Variants in SGCD observed in about 807,000 individuals in gnomAD.
SGCD encodes the protein sarcoglycan delta, also known as delta-sarcoglycan.
SGCD carries 18 observed loss-of-function variants against 36.6 expected under a neutral mutation model. The ratio of observed to expected loss-of-function variants is 0.49; its 90% confidence interval spans 0.34 to 0.73. The LOEUF (loss-of-function observed/expected upper bound fraction) is 0.73. Among genes scored for constraint, SGCD ranks in the 30% least tolerant of loss-of-function variants. The probability of loss-of-function intolerance (pLI) is 0.01; values close to 1 mark genes in which losing one functional copy is unlikely to be tolerated. For missense variants in SGCD, 387 were observed against 346.7 expected (o/e 1.12, Z -0.92); for synonymous variants, 133 against 130.6 (o/e 1.02, Z -0.12).
At chr5:156,353,793 AAAAC>A (rs1280464900) in intron 3 of SGCD, among the ~76,000 whole-genome samples, 1 of 152,228 alleles carries the variant, frequency 6.6e-6, no homozygotes, top group Non-Finnish European at 1.5e-5. Flanking sequence ...GTAATGCAGA[AAAAC>A]AAAAAACAAA....
intron 3 of SGCD, among the ~76,000 whole-genome samples, chr5:156,140,104 A>C (rs1030302302): frequency 3.9e-5 from 6 of 152,194 alleles, no homozygotes; most frequent in African/African-American, 1.4e-4. Context: ...TCAGACATAA[A>C]TTTCTGTTTA....
intron 7 of SGCD, chr5:156,738,549 G>A (rs549222918): frequency 6.6e-6 from 1 of 152,314 alleles, no homozygotes; most frequent in African/African-American, 2.4e-5. Context: ...TTTTAGCATG[G>A]AAGAAGAATG....
intron 3 of SGCD, among the ~76,000 whole-genome samples, chr5:156,267,575 C>T (rs951331499): frequency 1.3e-5 from 2 of 152,156 alleles, no homozygotes; most frequent in African/African-American, 2.4e-5. Flanking sequence ...GGCAGAGCAC[C>T]CTGCACTGTG....
chr5:155,887,362 A>G (rs1756028823), intron 1 of SGCD, among the ~76,000 whole-genome samples: 1 of 152,164 alleles, frequency 6.6e-6, no homozygotes, highest in African/African-American at 2.4e-5. Flanking sequence ...ACATGCCTAC[A>G]TTTCCAACTT....
At chr5:156,343,729 A>T (rs1419293255) in intron 2 of SGCD, among the ~76,000 whole-genome samples, 1 of 152,106 alleles carries the variant, frequency 6.6e-6, no homozygotes, top group East Asian at 1.9e-4. Flanking sequence ...CTCTCTCTCT[A>T]CTGTGCTTAG....
chr5:156,634,458 GCAACAA>G (rs369295537), intron 6 of SGCD, among the ~76,000 whole-genome samples: 3,722 of 151,922 alleles, frequency 0.024, 159 homozygotes, highest in African/African-American at 0.085. Context: ...AAGGAAAACA[GCAACAA>G]CAACAACAAC....
At chr5:156,504,390 G>GTATATA (rs746430800) in intron 3 of SGCD, among the ~76,000 whole-genome samples, 1 of 126,502 alleles carries the variant, frequency 7.9e-6, no homozygotes, top group African/African-American at 3.6e-5. Flanking sequence ...GGGTGTGTGT[G>GTATATA]TGTATATATA....
At chr5:156,397,623 G>T (rs1771930697) in intron 3 of SGCD, among the ~76,000 whole-genome samples, 1 of 152,210 alleles carries the variant, frequency 6.6e-6, no homozygotes, top group Non-Finnish European at 1.5e-5. Flanking sequence ...CAGACACAGT[G>T]CTAACTGCTT....
chr5:155,781,352 C>T, the SGCD span, among the ~76,000 whole-genome samples: 1 of 152,196 alleles, frequency 6.6e-6, no homozygotes, highest in Non-Finnish European at 1.5e-5. Context: ...GGATTCCTAT[C>T]ACACCTCGCA....
intron 3 of SGCD, among the ~76,000 whole-genome samples, chr5:156,394,223 A>G (rs926989694): frequency 5.3e-5 from 8 of 152,200 alleles, no homozygotes; most frequent in Admixed American, 1.3e-4. Context: ...GCAGTAGTGG[A>G]TGACGTAAGT....
At chr5:156,751,148 A>C (rs1328991422) in intron 7 of SGCD, among the ~76,000 whole-genome samples, 1 of 152,216 alleles carries the variant, frequency 6.6e-6, no homozygotes, top group East Asian at 1.9e-4. Context: ...TAATTAAACA[A>C]TATTTTGCAG....
the SGCD span, among the ~76,000 whole-genome samples, chr5:155,788,853 CA>C: frequency 2.0e-5 from 3 of 152,006 alleles, no homozygotes; most frequent in African/African-American, 7.3e-5. Flanking sequence ...GCCTGAAGAT[CA>C]AGAACGATTT....
intron 3 of SGCD, among the ~76,000 whole-genome samples, chr5:156,265,838 A>C (rs1472637658): frequency 1.3e-5 from 2 of 152,082 alleles, no homozygotes; most frequent in Non-Finnish European, 2.9e-5. Context: ...TTGACAATGG[A>C]GATATCCTGG....
chr5:156,467,172 G>T (rs922534030), intron 3 of SGCD, among the ~76,000 whole-genome samples: 1 of 152,130 alleles, frequency 6.6e-6, no homozygotes, highest in Non-Finnish European at 1.5e-5. Context: ...TAGCAGGCTG[G>T]ATTTGATTCA....
At chr5:156,092,230 C>A (rs534233858) in intron 1 of SGCD, among the ~76,000 whole-genome samples, 1 of 152,338 alleles carries the variant, frequency 6.6e-6, no homozygotes, top group South Asian at 2.1e-4. Flanking sequence ...CAAATACCTT[C>A]TATTCTCTGG....
At chr5:155,921,499 A>G (rs574175140) in intron 1 of SGCD, among the ~76,000 whole-genome samples, 69 of 152,152 alleles carry the variant, frequency 4.5e-4, no homozygotes, top group African/African-American at 1.5e-3. Context: ...GATGGGGGGT[A>G]GCAGTAGAGG....
chr5:155,966,934 CATGT>C (rs936110694), intron 1 of SGCD, among the ~76,000 whole-genome samples: 1 of 126,270 alleles, frequency 7.9e-6, no homozygotes, highest in African/African-American at 3.2e-5. Flanking sequence ...TATAGGTTTT[CATGT>C]GTGTGTGTGT....
intron 1 of SGCD, among the ~76,000 whole-genome samples, chr5:155,892,390 G>A (rs1009322925): frequency 1.3e-5 from 2 of 148,574 alleles, no homozygotes; most frequent in African/African-American, 4.9e-5. Flanking sequence ...AGGAGGTGAA[G>A]GTTGCAGTGA....
chr5:156,131,192 T>G (rs1160363014), intron 3 of SGCD, among the ~76,000 whole-genome samples: 1 of 152,194 alleles, frequency 6.6e-6, no homozygotes, highest in Non-Finnish European at 1.5e-5. Context: ...AGCCAGAAAC[T>G]GTGTAATATG....
Sources: allele counts gnomAD v4.1 joint callset (sites outside exome capture counted in the v4.1 genomes callset), GRCh38; gene constraint gnomAD v4.1.1; transcripts MANE v1.5; gene names NCBI Gene and HGNC (gene_info 2026-07-23, HGNC 2026-07-21).